Variants in TMEM68 observed in about 807,000 individuals in gnomAD.
TMEM68 encodes the protein transmembrane protein 68, also known as DGAT1/2-independent enzyme synthesizing storage lipids.
A neutral mutation model predicts 36.9 loss-of-function variants in TMEM68; 25 were observed. The observed-to-expected ratio is 0.68, with a 90% CI of 0.49 to 0.95. The LOEUF (loss-of-function observed/expected upper bound fraction) is 0.95. TMEM68 is among the 40% of genes least tolerant of loss of function. TMEM68 has a pLI of 0.00. For synonymous variants in TMEM68, 131 were observed against 124.4 expected, an observed-to-expected ratio of 1.05 and a Z score of -0.35; for missense variants, 333 against 392.0, an observed-to-expected ratio of 0.85 and a Z score of 1.27.
intron 1 of TMEM68, among the ~76,000 whole-genome samples, chr8:55,767,797 C>T (rs948508835): frequency 1.3e-5 from 2 of 152,082 alleles, no homozygotes; most frequent in Non-Finnish European, 2.9e-5. Flanking sequence ...ATTAGCCGGG[C>T]GTGGTGTCGC....
intron 1 of TMEM68, among the ~76,000 whole-genome samples, chr8:55,771,618 A>G (rs1811171512): frequency 1.3e-5 from 2 of 152,170 alleles, no homozygotes; most frequent in African/African-American, 4.8e-5. Flanking sequence ...TCCTGTCTCA[A>G]AAAAAATAAA....
At chr8:55,749,102 T>C (rs996842538) in intron 5 of TMEM68, among the ~76,000 whole-genome samples, 3 of 152,242 alleles carry the variant, frequency 2.0e-5, no homozygotes, top group African/African-American at 7.2e-5. Context: ...AAATATTTTC[T>C]TTTATATCTG....
chr8:55,749,232 T>C (rs1810366742), intron 5 of TMEM68, among the ~76,000 whole-genome samples: 1 of 152,198 alleles, frequency 6.6e-6, no homozygotes. Context: ...CCAGGGTGAT[T>C]TGTATTATAT....
Position 55,743,824 on chromosome 8 carries a change from G to A in TMEM68, c.749-204C>T, listed in dbSNP as rs145725332. On this transcript the variant is annotated intron_variant, in intron 6 of 7. Coordinates refer to ENST00000434581, the MANE Select transcript of TMEM68 (RefSeq NM_001286657.2). ...CCAATGCAAGATATTAATAATAGGAGAAACTAGGGGATGGTGAGAAGATTT... is the reference window on the plus strand; with the variant it reads ...CCAATGCAAGATATTAATAATAGGAAAAACTAGGGGATGGTGAGAAGATTT... Among the ~76,000 whole-genome samples the A allele has an allele frequency of 3.3e-4, 50 of 152,116 alleles. 1 individual carries two copies. In the East Asian group the frequency reaches 9.6e-3, roughly 29 times the overall value.
At chr8:55,769,922 C>G (rs550034173) in intron 1 of TMEM68, among the ~76,000 whole-genome samples, 2 of 152,262 alleles carry the variant, frequency 1.3e-5, no homozygotes, top group African/African-American at 4.8e-5. Flanking sequence ...CGTGAGCCAC[C>G]CTGCTTGGCC....
At chr8:55,757,148 AAC>A (rs1167399226) in intron 3 of TMEM68, among the ~76,000 whole-genome samples, 1 of 152,200 alleles carries the variant, frequency 6.6e-6, no homozygotes, top group African/African-American at 2.4e-5. Flanking sequence ...GCCACAAGGG[AAC>A]ATCACTCCCA....
At chr8:55,758,814 AAAAT>A (rs1300117330) in intron 3 of TMEM68, among the ~76,000 whole-genome samples, 1 of 152,206 alleles carries the variant, frequency 6.6e-6, no homozygotes, top group Non-Finnish European at 1.5e-5. Flanking sequence ...TCTAAAAATA[AAAAT>A]AAATAAATAA....
At chr8:55,769,828 T>C (rs1439992063) in intron 1 of TMEM68, among the ~76,000 whole-genome samples, 1 of 152,184 alleles carries the variant, frequency 6.6e-6, no homozygotes, top group African/African-American at 2.4e-5. Context: ...AGATGGGGTT[T>C]TGCCATGTTG....
intron 3 of TMEM68, among the ~76,000 whole-genome samples, chr8:55,759,341 C>T (rs908917950): frequency 3.3e-5 from 5 of 151,246 alleles, no homozygotes; most frequent in Non-Finnish European, 5.9e-5. Flanking sequence ...GAGGGTGAGG[C>T]GGGAGGATCA....
At chr8:55,744,368 C>T (rs1010112000) in intron 6 of TMEM68, among the ~76,000 whole-genome samples, 1 of 23,030 alleles carries the variant, frequency 4.3e-5, no homozygotes, top group Non-Finnish European at 8.9e-5. Context: ...TGCAGTGGCA[C>T]GATCTCGGCT....
At chr8:55,746,292 G>A (rs926383825) in intron 5 of TMEM68, 4 of 108,556 alleles carry the variant, frequency 3.7e-5, no homozygotes, top group African/African-American at 7.2e-5. Flanking sequence ...CTCCAGTAAG[G>A]GCAATAGAGC....
intron 1 of TMEM68, among the ~76,000 whole-genome samples, chr8:55,767,521 CAGG>C (rs1042621024): frequency 1.3e-5 from 2 of 152,080 alleles, no homozygotes; most frequent in Admixed American, 6.5e-5. Context: ...GCAGGAAGAT[CAGG>C]AGGAGGATAC....
intron 4 of TMEM68, among the ~76,000 whole-genome samples, chr8:55,753,443 G>T (rs899716452): frequency 2.6e-5 from 4 of 152,126 alleles, no homozygotes; most frequent in African/African-American, 9.7e-5. Context: ...TTATAATGAT[G>T]TTCTGTTTTT....
intron 1 of TMEM68, among the ~76,000 whole-genome samples, chr8:55,768,741 G>A (rs1811053843): frequency 6.6e-6 from 1 of 152,030 alleles, no homozygotes; most frequent in Non-Finnish European, 1.5e-5. Context: ...AGCTACTCGG[G>A]AGGCTGATGC....
chr8:55,756,351 T>C lies in TMEM68; in HGVS notation c.386A>G (p.Tyr129Cys). Residue 129 changes from tyrosine (Y) to cysteine (C), a missense_variant, in exon 4 of 8, where the codon TAT becomes TGT. By Grantham distance (194) the Tyr-to-Cys change is radical. Transcript: ENST00000434581. Reference protein sequence around the residue: ...PEDGPALIIFYHGAIPIDFYY... With the variant: ...PEDGPALIIFCHGAIPIDFYY... ...AAAATCTATAGGAATAGCTCCATGA[T>C]AAAAAATTATAAGTGCTGGTCCATC... 6.2e-7 allele frequency: 1 copy of C among 1,604,402 alleles called. No individual in the cohort carries two copies. The highest frequency in any genetic ancestry group is 8.5e-7 in the Non-Finnish European group (1 of 1,176,992).
At position 55,739,078 on chromosome 8, in the gene TMEM68, AC is replaced by A. The variant is rs1314998779; in HGVS notation, c.*1053del. 2 of 152,638 alleles carry A rather than the reference AC, an allele frequency of 1.3e-5. No homozygotes were observed. Among genetic ancestry groups the A allele is most frequent in the African/African-American group, 4.8e-5 (2 of 41,452 alleles). 9.5% of individuals were successfully genotyped at this position (152,638 alleles called of 1,614,324 possible). ...GATCACCTGAGGTCAGGAGTTCAAG[AC>A]CAGCCTGGCCAACATGGCAAAACCC... On this transcript the variant is annotated 3_prime_UTR_variant, in exon 8 of 8. Transcript: ENST00000434581.
intron 4 of TMEM68, 25 bp from the exon 5 acceptor site, chr8:55,751,182 T>C (rs1810419388): frequency 6.4e-7 from 1 of 1,556,890 alleles, no homozygotes; most frequent in Non-Finnish European, 8.7e-7. Flanking sequence ...AGTATGAAGT[T>C]ACAACATAAG....
chr8:55,754,911 T>C, intron 4 of TMEM68, among the ~76,000 whole-genome samples: 1 of 113,272 alleles, frequency 8.8e-6, no homozygotes, highest in East Asian at 2.4e-4. Context: ...ATATATTATA[T>C]ATTATATATT....
chr8:55,755,988 TTAAAAA>T (rs1810593954), intron 4 of TMEM68, among the ~76,000 whole-genome samples: 1 of 151,918 alleles, frequency 6.6e-6, no homozygotes, highest in Non-Finnish European at 1.5e-5. Context: ...CAATTTTCAC[TTAAAAA>T]TAAACAATTT....
Sources: gnomAD v4.1 joint callset for allele counts (sites outside exome capture counted in the v4.1 genomes callset) on GRCh38, gnomAD v4.1.1 for gene constraint, MANE v1.5 for transcripts, NCBI Gene and HGNC (gene_info 2026-07-23, HGNC 2026-07-21) for gene names.